The following FUT9 variants were observed in gnomAD, a reference collection of about 807,000 sequenced individuals.
The protein encoded by FUT9 is fucosyltransferase 9.
Under a neutral mutation model 29.7 loss-of-function variants are expected in FUT9, and 15 were observed. The ratio of observed to expected loss-of-function variants is 0.51; its 90% confidence interval spans 0.34 to 0.78. The LOEUF (loss-of-function observed/expected upper bound fraction) is 0.78. Among genes scored for constraint, FUT9 ranks in the 30% least tolerant of loss-of-function variants. FUT9 has a pLI of 0.01. For synonymous variants in FUT9, 169 were observed against 153.7 expected (o/e 1.10, Z -0.74); for missense variants, 319 against 425.4 (o/e 0.75, Z 2.20).
chr6:96,101,817 C>T (rs1246885551), intron 1 of FUT9, among the ~76,000 whole-genome samples: 1 of 138,562 alleles, frequency 7.2e-6, no homozygotes, highest in South Asian at 2.3e-4. Context: ...CCACGCCCAG[C>T]TATTTTTTTT....
intron 2 of FUT9, among the ~76,000 whole-genome samples, chr6:96,152,482 A>C (rs1772695205): frequency 6.6e-6 from 1 of 152,194 alleles, no homozygotes; most frequent in Non-Finnish European, 1.5e-5. Context: ...TTTGTTCATA[A>C]TTAAAAGCCT....
At chr6:96,198,640 C>A (rs973256310) in intron 2 of FUT9, among the ~76,000 whole-genome samples, 1 of 152,050 alleles carries the variant, frequency 6.6e-6, no homozygotes, top group East Asian at 1.9e-4. Flanking sequence ...CCCAGTAATG[C>A]GATGGCTGGG....
chr6:96,032,199 T>G (rs1562101740), intron 1 of FUT9, among the ~76,000 whole-genome samples: 1 of 151,680 alleles, frequency 6.6e-6, no homozygotes. Flanking sequence ...TCTCACACTT[T>G]GTTTCCCGGA....
At chr6:96,171,054 C>G (rs957926309) in intron 2 of FUT9, among the ~76,000 whole-genome samples, 1 of 152,096 alleles carries the variant, frequency 6.6e-6, no homozygotes, top group Non-Finnish European at 1.5e-5. Context: ...TTTGGAGGAG[C>G]ATACAATCCT....
chr6:96,181,568 T>C (rs1019058656), intron 2 of FUT9, among the ~76,000 whole-genome samples: 1 of 51,960 alleles, frequency 1.9e-5, no homozygotes, highest in Non-Finnish European at 5.0e-5. Flanking sequence ...ACCCTATTTG[T>C]AGTCTTTTAT....
chr6:96,133,326 C>T (rs1772282475), intron 2 of FUT9, among the ~76,000 whole-genome samples: 1 of 151,952 alleles, frequency 6.6e-6, no homozygotes. Flanking sequence ...TTCTGTGGTG[C>T]TTCACTTACA....
chr6:96,107,026 C>T (rs1026383287), intron 1 of FUT9, among the ~76,000 whole-genome samples: 1 of 152,106 alleles, frequency 6.6e-6, no homozygotes, highest in African/African-American at 2.4e-5. Flanking sequence ...TATATGCGTA[C>T]CTATAGGACA....
chr6:96,083,764 C>T (rs894792388), intron 1 of FUT9, among the ~76,000 whole-genome samples: 7 of 152,040 alleles, frequency 4.6e-5, no homozygotes, highest in African/African-American at 1.7e-4. Flanking sequence ...GAAATTCACC[C>T]TCTTTTAGCA....
chr6:96,070,350 C>A (rs938304906), intron 1 of FUT9, among the ~76,000 whole-genome samples: 7 of 152,150 alleles, frequency 4.6e-5, no homozygotes, highest in African/African-American at 7.2e-5. Flanking sequence ...TTATAAATGT[C>A]CCACAAAATG....
rs1359272705 is a variant in FUT9 at position 96,211,453 on chromosome 6, C to G, written c.*7218C>G. The G allele has an allele frequency of 6.0e-6, 1 of 166,814 alleles. No homozygotes were observed. Among genetic ancestry groups the G allele is most frequent in the Admixed American group, 6.6e-5 (1 of 15,212 alleles). 10.3% of individuals were successfully genotyped at this position (166,814 alleles called of 1,614,324 possible). A position where few individuals can be genotyped will look rare whatever the true frequency, so the allele number is the denominator to read the frequency against. ...AGTTTGACTTAATCCATCACTTCAGCTGGTCCACTAGTTTTGACACAGGAC... is the reference window on the plus strand; with the variant it reads ...AGTTTGACTTAATCCATCACTTCAGGTGGTCCACTAGTTTTGACACAGGAC... On this transcript the variant is annotated 3_prime_UTR_variant, in exon 3 of 3. Coordinates refer to ENST00000302103, the MANE Select transcript of FUT9 (RefSeq NM_006581.4).
chr6:96,037,177 G>A (rs1770378330), intron 1 of FUT9: 1 of 151,972 alleles, frequency 6.6e-6, no homozygotes, highest in Non-Finnish European at 1.5e-5. Flanking sequence ...ACAGTTATTA[G>A]CCTTTGTAAG....
intron 2 of FUT9, among the ~76,000 whole-genome samples, chr6:96,144,339 G>A (rs1051277236): frequency 1.3e-5 from 2 of 152,054 alleles, no homozygotes; most frequent in East Asian, 3.9e-4. Context: ...TGCTATGCAG[G>A]GCCATTATAT....
At chr6:96,068,695 G>A (rs762950888) in intron 1 of FUT9, among the ~76,000 whole-genome samples, 1 of 152,172 alleles carries the variant, frequency 6.6e-6, no homozygotes, top group East Asian at 1.9e-4. Context: ...CTAGAGAAAC[G>A]AGGAAAGTTA....
At chr6:96,153,720 TTA>T (rs1296446197) in intron 2 of FUT9, among the ~76,000 whole-genome samples, 2 of 152,196 alleles carry the variant, frequency 1.3e-5, no homozygotes, top group South Asian at 2.1e-4. Flanking sequence ...GATCTCTCAT[TTA>T]TCACTTTGTC....
chr6:96,203,342 G>T lies in FUT9; in HGVS notation c.187G>T (p.Glu63Ter). Residue 63 changes from glutamate to a stop codon, truncating the protein, a stop_gained, in exon 3 of 3, where the codon GAA becomes TAA. Coordinates refer to ENST00000302103, the MANE Select transcript of FUT9 (RefSeq NM_006581.4). LOFTEE classifies it high-confidence loss of function. Reference protein sequence around the residue: ...FFSTKTDYFNETTILVWVWPF... With the variant: ...FFSTKTDYFN ...TTCCACCAAAACTGATTATTTTAATGAAACTACTATTCTGGTGTGGGTGTG... is the reference window on the plus strand; with the variant it reads ...TTCCACCAAAACTGATTATTTTAATTAAACTACTATTCTGGTGTGGGTGTG... The T allele has an allele frequency of 6.2e-7, 1 of 1,613,796 alleles. No homozygotes were observed. The highest frequency in any genetic ancestry group is 2.2e-5 in the East Asian group (1 of 44,862).
At chr6:96,170,448 T>G (rs1429168858) in intron 2 of FUT9, among the ~76,000 whole-genome samples, 1 of 152,108 alleles carries the variant, frequency 6.6e-6, no homozygotes, top group East Asian at 1.9e-4. Flanking sequence ...GTTAGGATTA[T>G]GTACAACAAT....
chr6:96,025,860 A>G (rs188232328), intron 1 of FUT9, among the ~76,000 whole-genome samples: 2 of 151,658 alleles, frequency 1.3e-5, no homozygotes. Flanking sequence ...GTAGAAAACA[A>G]TAGACTCCTA....
chr6:96,128,983 T>C (rs1263693211), intron 2 of FUT9, among the ~76,000 whole-genome samples: 1 of 149,926 alleles, frequency 6.7e-6, no homozygotes, highest in African/African-American at 2.5e-5. Flanking sequence ...AGCCACCGGG[T>C]GTGGTGGCTC....
At chr6:96,164,063 A>C (rs1772964493) in intron 2 of FUT9, among the ~76,000 whole-genome samples, 1 of 152,132 alleles carries the variant, frequency 6.6e-6, no homozygotes, top group Admixed American at 6.5e-5. Context: ...CAATACATGT[A>C]AAATGTGCTT....
Sources: gnomAD v4.1 joint callset for allele counts (sites outside exome capture counted in the v4.1 genomes callset) on GRCh38, gnomAD v4.1.1 for gene constraint, MANE v1.5 for transcripts, NCBI Gene and HGNC (gene_info 2026-07-23, HGNC 2026-07-21) for gene names.